The following SUMF1 variants were observed in gnomAD, a reference collection of about 807,000 sequenced individuals.
SUMF1 encodes sulfatase modifying factor 1.
Under a neutral mutation model 47.6 loss-of-function variants are expected in SUMF1, and 48 were observed. The observed-to-expected ratio is 1.01, with a 90% confidence interval of 0.80 to 1.28. The LOEUF (loss-of-function observed/expected upper bound fraction) is 1.28. Among genes scored for constraint, SUMF1 ranks in the 50% most tolerant of loss-of-function variants. The pLI is 0.00. For synonymous variants in SUMF1, 230 were observed against 192.1 expected (o/e 1.20, Z -1.63); for missense variants, 571 against 485.4 (o/e 1.18, Z -1.66).
At chr3:4,342,483 A>G (rs112205771) in intron 8 of SUMF1, among the ~76,000 whole-genome samples, 27,816 of 152,192 alleles carry the variant, frequency 0.18, 2,652 homozygotes, top group Middle Eastern at 0.25. Context: ...CAGTGAGCTG[A>G]TATCATGCCC....
chr3:4,103,404 T>C (rs562823956), intron 8 of SUMF1, among the ~76,000 whole-genome samples: 1 of 152,130 alleles, frequency 6.6e-6, no homozygotes, highest in African/African-American at 2.4e-5. Context: ...AATTCAAATA[T>C]GAAGGTCAGC....
At chr3:4,253,258 G>A (rs1184565236) in intron 8 of SUMF1, among the ~76,000 whole-genome samples, 2 of 152,120 alleles carry the variant, frequency 1.3e-5, no homozygotes, top group Non-Finnish European at 2.9e-5. Context: ...AGGGGGAGGA[G>A]CCAAGATGGC....
At chr3:4,455,113 A>C (rs1483522770) in intron 1 of SUMF1, among the ~76,000 whole-genome samples, 2 of 152,200 alleles carry the variant, frequency 1.3e-5, no homozygotes, top group African/African-American at 4.8e-5. Context: ...CAGGCCTTCA[A>C]CCATACCATC....
chr3:4,177,892 A>G (rs1288978827), intron 8 of SUMF1, among the ~76,000 whole-genome samples: 2 of 152,198 alleles, frequency 1.3e-5, no homozygotes, highest in African/African-American at 4.8e-5. Context: ...ACAATCTACC[A>G]TCAGAGAATA....
chr3:4,104,456 G>A (rs1217949381), intron 8 of SUMF1, among the ~76,000 whole-genome samples: 1 of 151,954 alleles, frequency 6.6e-6, no homozygotes, highest in East Asian at 1.9e-4. Flanking sequence ...CCTGCTCCGT[G>A]CCCCAACAGG....
intron 8 of SUMF1, among the ~76,000 whole-genome samples, chr3:4,322,133 AAG>A (rs1698849719): frequency 6.6e-6 from 1 of 152,188 alleles, no homozygotes; most frequent in African/African-American, 2.4e-5. Context: ...TGTCACAACC[AAG>A]AGGAGTCAAA....
chr3:4,066,405 CT>C (rs923954121), intron 9 of SUMF1, among the ~76,000 whole-genome samples: 5 of 152,084 alleles, frequency 3.3e-5, no homozygotes, highest in Non-Finnish European at 7.4e-5. Context: ...ACCAAATTGT[CT>C]CATAGAATGA....
intron 8 of SUMF1, among the ~76,000 whole-genome samples, chr3:4,153,950 T>C (rs895601882): frequency 6.6e-6 from 1 of 151,688 alleles, no homozygotes; most frequent in Admixed American, 6.5e-5. Context: ...GCATCAGATC[T>C]GTTTGCACAA....
chr3:4,157,266 G>A lies in SUMF1; in HGVS notation c.1015-88521C>T, dbSNP rs1037768435. On this transcript the variant is annotated intron_variant and NMD_transcript_variant, in intron 8 of 12. Coordinates refer to the SUMF1 transcript ENST00000448413. The stretch of plus-strand genomic sequence containing the variant: ...CTGGGCCAGTTTTTTAGATGTGCTG[G>A]TCATGTTCCTTAAGCTAGTAACCAC... 3.3e-5 allele frequency among the ~76,000 whole-genome samples: 5 copies of A among 151,494 alleles called. 1 individual carries two copies. Among genetic ancestry groups the A allele is most frequent in the South Asian group, 2.1e-4 (1 of 4,808 alleles).
chr3:4,048,976 T>G lies in SUMF1; in HGVS notation c.1191+19593A>C, dbSNP rs147592039. On this transcript the variant is annotated intron_variant and NMD_transcript_variant, in intron 9 of 12. Transcript: ENST00000448413. ...AACATCCAAGGCTTCTAAGTAGGCC[T>G]TGGATTTAATTATAGAATAAGATGA... Among the ~76,000 whole-genome samples, 1,173 of 152,288 alleles carry G rather than the reference T, an allele frequency of 7.7e-3. 19 individuals are homozygous for G. Among genetic ancestry groups the G allele is most frequent in the African/African-American group, 0.026 (1,071 of 41,558 alleles).
chr3:4,267,980 C>A (rs1410152249), intron 8 of SUMF1, among the ~76,000 whole-genome samples: 1 of 131,796 alleles, frequency 7.6e-6, no homozygotes, highest in East Asian at 2.0e-4. Flanking sequence ...AGACTTGGAA[C>A]CAACCCAAAT....
intron 8 of SUMF1, among the ~76,000 whole-genome samples, chr3:4,336,077 C>T (rs308735): frequency 0.77 from 117,102 of 151,544 alleles, 45,827 homozygotes; most frequent in African/African-American, 0.89. Flanking sequence ...GCTACCAAAA[C>T]GGAAGCCAAA....
At chr3:4,453,126 C>T in intron 1 of SUMF1, 77 bp from the exon 2 acceptor site, 1 of 1,454,770 alleles carries the variant, frequency 6.9e-7, no homozygotes, top group South Asian at 1.2e-5. Context: ...GTTCCTAGCA[C>T]CCAGGAAGCA....
chr3:4,342,725 T>C (rs1699296418), intron 8 of SUMF1, among the ~76,000 whole-genome samples: 1 of 152,120 alleles, frequency 6.6e-6, no homozygotes. Context: ...CAGTCTTGTT[T>C]TCTCACCAAC....
At chr3:4,379,648 C>CT (rs1559259311) in intron 7 of SUMF1, among the ~76,000 whole-genome samples, 46 of 151,010 alleles carry the variant, frequency 3.0e-4, no homozygotes, top group Admixed American at 6.5e-4. Flanking sequence ...TGGAGCCCAC[C>CT]CTGGCCAATA....
intron 8 of SUMF1, among the ~76,000 whole-genome samples, chr3:4,213,736 G>A (rs946944989): frequency 6.6e-6 from 1 of 151,870 alleles, no homozygotes; most frequent in Non-Finnish European, 1.5e-5. Context: ...CAAATGGAAA[G>A]CAAAAAAAGC....
intron 8 of SUMF1, among the ~76,000 whole-genome samples, chr3:4,366,291 G>A (rs1013053219): frequency 6.6e-6 from 1 of 152,150 alleles, no homozygotes; most frequent in African/African-American, 2.4e-5. Context: ...AAGTTCTCCT[G>A]GATAATAACC....
intron 8 of SUMF1, among the ~76,000 whole-genome samples, chr3:4,341,901 T>C (rs1435386997): frequency 6.6e-6 from 1 of 152,206 alleles, no homozygotes; most frequent in Non-Finnish European, 1.5e-5. Context: ...CCAATTCCAG[T>C]TGCAGCTTAT....
chr3:4,274,802 C>A (rs916753820), intron 8 of SUMF1, among the ~76,000 whole-genome samples: 3 of 152,070 alleles, frequency 2.0e-5, no homozygotes, highest in Non-Finnish European at 2.9e-5. Flanking sequence ...AAAAACTAGA[C>A]CAGGTAATAG....
Sources: gnomAD v4.1 joint callset for allele counts (sites outside exome capture counted in the v4.1 genomes callset) on GRCh38, gnomAD v4.1.1 for gene constraint, MANE v1.5 for transcripts, NCBI Gene and HGNC (gene_info 2026-07-23, HGNC 2026-07-21) for gene names.